The following SUCLG2 variants were observed in gnomAD, a reference collection of about 807,000 sequenced individuals.
SUCLG2 encodes succinate--CoA ligase [GDP-forming] subunit beta, mitochondrial.
A neutral mutation model predicts 47.9 loss-of-function variants in SUCLG2; 42 were observed. That is an observed-to-expected ratio of 0.88 (90% confidence interval 0.69 to 1.14). The LOEUF (loss-of-function observed/expected upper bound fraction) is 1.14, where lower values mean the gene tolerates loss of function less well. SUCLG2 is among the 50% of genes most tolerant of loss of function. SUCLG2 has a pLI of 0.00. For synonymous variants in SUCLG2, 195 were observed against 197.3 expected, an observed-to-expected ratio of 0.99 and a Z score of 0.10; for missense variants, 571 against 525.9, an observed-to-expected ratio of 1.09 and a Z score of -0.84.
At chr3:67,594,550 C>T (rs1708250038) in intron 2 of SUCLG2, among the ~76,000 whole-genome samples, 1 of 152,172 alleles carries the variant, frequency 6.6e-6, no homozygotes, top group Non-Finnish European at 1.5e-5. Flanking sequence ...CTTGACTATC[C>T]TATAACATGA....
chr3:67,395,156 A>G (rs1269096194), intron 10 of SUCLG2, among the ~76,000 whole-genome samples: 1 of 152,098 alleles, frequency 6.6e-6, no homozygotes, highest in East Asian at 1.9e-4. Flanking sequence ...TGACAGGATC[A>G]AATTCACACA....
chr3:67,545,746 T>C (rs1200817784), intron 2 of SUCLG2, among the ~76,000 whole-genome samples: 1 of 152,026 alleles, frequency 6.6e-6, no homozygotes. Flanking sequence ...CCTCCTTTCC[T>C]CTCTCCTTTT....
chr3:67,569,479 G>A (rs1221869535), intron 2 of SUCLG2, among the ~76,000 whole-genome samples: 2 of 152,214 alleles, frequency 1.3e-5, no homozygotes, highest in African/African-American at 2.4e-5. Context: ...AGTGGACCCA[G>A]AAGGCTGGAC....
chr3:67,506,652 AT>A lies in SUCLG2; in HGVS notation c.757+2154del, dbSNP rs549024123. On this transcript the variant is annotated intron_variant, in intron 7 of 10. Coordinates refer to ENST00000307227, the MANE Select transcript of SUCLG2 (RefSeq NM_003848.4). ...GTTGAATAAAAAATGTATTGCAGCC[AT>A]TTTTATCCCACTCCATAGCTACAGC... Among the ~76,000 whole-genome samples, 937 of 152,310 alleles carry A rather than the reference AT, an allele frequency of 6.2e-3. 11 individuals are homozygous for A. The highest frequency in any genetic ancestry group is 0.022 in the African/African-American group (896 of 41,572).
intron 2 of SUCLG2, among the ~76,000 whole-genome samples, chr3:67,537,531 C>T (rs11923127): frequency 0.079 from 11,977 of 152,156 alleles, 560 homozygotes; most frequent in East Asian, 0.17. Flanking sequence ...AATAAACATA[C>T]GTGTGCATGT....
chr3:67,540,061 T>C (rs1245677803), intron 2 of SUCLG2, among the ~76,000 whole-genome samples: 1 of 151,610 alleles, frequency 6.6e-6, no homozygotes, highest in East Asian at 2.0e-4. Context: ...TCTCCTTCAG[T>C]TCTGCTCTGA....
intron 1 of SUCLG2, among the ~76,000 whole-genome samples, chr3:67,615,714 C>A (rs980244660): frequency 6.6e-6 from 1 of 151,244 alleles, no homozygotes; most frequent in African/African-American, 2.4e-5. Flanking sequence ...ACTATCCTTA[C>A]AACAGAACAC....
At chr3:67,586,642 T>C (rs1708026794) in intron 2 of SUCLG2, among the ~76,000 whole-genome samples, 2 of 152,232 alleles carry the variant, frequency 1.3e-5, no homozygotes, top group South Asian at 4.1e-4. Context: ...TCTATTTTTA[T>C]ATGTTCTGTT....
At chr3:67,483,046 T>C (rs1393094559) in intron 9 of SUCLG2, among the ~76,000 whole-genome samples, 3 of 152,146 alleles carry the variant, frequency 2.0e-5, no homozygotes, top group Non-Finnish European at 4.4e-5. Flanking sequence ...CCCTTGGGAA[T>C]GCTAATATGT....
intron 1 of SUCLG2, among the ~76,000 whole-genome samples, chr3:67,645,805 T>C (rs1168355942): frequency 6.6e-6 from 1 of 151,554 alleles, no homozygotes; most frequent in African/African-American, 2.4e-5. Flanking sequence ...TCCCCCTTTC[T>C]TTCAAAGGTA....
chr3:67,487,841 T>C (rs962832078), intron 9 of SUCLG2, among the ~76,000 whole-genome samples: 1 of 152,138 alleles, frequency 6.6e-6, no homozygotes, highest in African/African-American at 2.4e-5. Context: ...GAATTTATCT[T>C]ATATGAATAA....
intron 9 of SUCLG2, among the ~76,000 whole-genome samples, chr3:67,490,008 A>C (rs956485247): frequency 1.3e-5 from 2 of 152,206 alleles, no homozygotes; most frequent in Admixed American, 6.5e-5. Flanking sequence ...ACTGTAACCA[A>C]TCCAGTATTT....
chr3:67,509,949 T>C (rs1232845935), intron 6 of SUCLG2, among the ~76,000 whole-genome samples: 1 of 152,068 alleles, frequency 6.6e-6, no homozygotes, highest in East Asian at 1.9e-4. Flanking sequence ...TGGCAAGCAG[T>C]GGTGAGAGAT....
At chr3:67,570,540 G>C (rs1203252476) in intron 2 of SUCLG2, among the ~76,000 whole-genome samples, 1 of 152,204 alleles carries the variant, frequency 6.6e-6, no homozygotes, top group African/African-American at 2.4e-5. Context: ...TAGGGGCTGG[G>C]CATGACAGAA....
At chr3:67,653,497 C>CA (rs1388980805) in intron 1 of SUCLG2, among the ~76,000 whole-genome samples, 2 of 152,096 alleles carry the variant, frequency 1.3e-5, no homozygotes, top group Non-Finnish European at 2.9e-5. Context: ...TAGAGGAACT[C>CA]AAAAAATCAT....
At chr3:67,428,727 T>C (rs1703376207) in intron 9 of SUCLG2, among the ~76,000 whole-genome samples, 1 of 152,130 alleles carries the variant, frequency 6.6e-6, no homozygotes. Flanking sequence ...AATGGCTAAC[T>C]AGAATAAACA....
At chr3:67,393,381 G>A (rs1702440916) in intron 10 of SUCLG2, among the ~76,000 whole-genome samples, 1 of 152,232 alleles carries the variant, frequency 6.6e-6, no homozygotes, top group Non-Finnish European at 1.5e-5. Flanking sequence ...CCCGCACATG[G>A]CTCAGAGGGT....
chr3:67,364,898 G>A (rs138442514), intron 10 of SUCLG2, among the ~76,000 whole-genome samples: 1 of 152,294 alleles, frequency 6.6e-6, no homozygotes, highest in African/African-American at 2.4e-5. Flanking sequence ...AAAAATGCTG[G>A]CACTGAATAG....
intron 9 of SUCLG2, among the ~76,000 whole-genome samples, chr3:67,480,748 A>C (rs980157108): frequency 1.3e-5 from 2 of 152,226 alleles, no homozygotes; most frequent in Non-Finnish European, 2.9e-5. Flanking sequence ...AGTAACCTAC[A>C]ATGGCAGGGA....
Sources: allele counts gnomAD v4.1 joint callset (sites outside exome capture counted in the v4.1 genomes callset), GRCh38; gene constraint gnomAD v4.1.1; transcripts MANE v1.5; gene names NCBI Gene and HGNC (gene_info 2026-07-23, HGNC 2026-07-21).